Variants in SPRED1 observed in about 807,000 individuals in gnomAD.
The protein encoded by SPRED1 is sprouty-related, EVH1 domain-containing protein 1.
Under a neutral mutation model 52.3 loss-of-function variants are expected in SPRED1, and 18 were observed. That is an observed-to-expected ratio of 0.34 (90% CI 0.24 to 0.51). SPRED1 has a LOEUF of 0.51. Among genes scored for constraint, SPRED1 ranks in the 20% least tolerant of loss-of-function variants. The pLI, the probability that SPRED1 is intolerant of heterozygous loss-of-function variation, is 0.97. For synonymous variants in SPRED1, 155 were observed against 179.7 expected (o/e 0.86, Z 1.10); for missense variants, 485 against 551.0 (o/e 0.88, Z 1.20).
intron 2 of SPRED1, among the ~76,000 whole-genome samples, chr15:38,303,477 G>A (rs1241807279): frequency 1.3e-5 from 2 of 152,190 alleles, no homozygotes; most frequent in Admixed American, 6.5e-5. Context: ...TATAGGTTAT[G>A]TTATTTGACC....
intron 1 of SPRED1, among the ~76,000 whole-genome samples, chr15:38,260,630 G>A (rs1894186290): frequency 6.6e-6 from 1 of 152,080 alleles, no homozygotes; most frequent in Non-Finnish European, 1.5e-5. Context: ...ATATTTTAAA[G>A]TGTTAATAAA....
intron 1 of SPRED1, among the ~76,000 whole-genome samples, chr15:38,254,668 A>G (rs879274649): frequency 6.6e-6 from 1 of 152,234 alleles, no homozygotes; most frequent in Non-Finnish European, 1.5e-5. Context: ...GCACACACAA[A>G]CAACTACCCC....
chr15:38,349,561 A>G, intron 6 of SPRED1, 38 bp downstream of exon 6: 4 of 1,172,956 alleles, frequency 3.4e-6, no homozygotes, highest in South Asian at 1.3e-5. Flanking sequence ...ATGGAATTTA[A>G]CTAATTAATA....
chr15:38,258,635 G>T (rs891579420), intron 1 of SPRED1, among the ~76,000 whole-genome samples: 1 of 152,140 alleles, frequency 6.6e-6, no homozygotes, highest in African/African-American at 2.4e-5. Flanking sequence ...TGAAATGTCT[G>T]TACAGTTGTC....
At chr15:38,293,098 A>ATTTTTTTTTTTTT (rs1566857726) in intron 1 of SPRED1, among the ~76,000 whole-genome samples, 1 of 20,206 alleles carries the variant, frequency 4.9e-5, no homozygotes, top group African/African-American at 1.2e-4. Context: ...CAAGATTACA[A>ATTTTTTTTTTTTT]CTTTTTTTTT....
At chr15:38,324,097 T>C (rs1595747726) in intron 3 of SPRED1, among the ~76,000 whole-genome samples, 1 of 152,194 alleles carries the variant, frequency 6.6e-6, no homozygotes, top group Non-Finnish European at 1.5e-5. Flanking sequence ...TAAAATATGC[T>C]GCTCTTTCCA....
chr15:38,354,275 C>T lies in SPRED1; in HGVS notation c.*2611C>T, dbSNP rs181716461. 2.1e-4 allele frequency: 32 copies of T among 152,252 alleles called. No individual in the cohort carries two copies. In the East Asian group the frequency reaches 6.0e-3, roughly 28 times the overall value. 9.4% of individuals were successfully genotyped at this position (152,252 alleles called of 1,614,324 possible). On this transcript the variant is annotated 3_prime_UTR_variant, in exon 7 of 7. Transcript: ENST00000299084. ...CATTTTCTCATTCTCTGTACAGATT[C>T]GGCACTGCCAATTGGCTTTTCCTCT...
At chr15:38,311,233 T>A (rs192678357) in intron 2 of SPRED1, among the ~76,000 whole-genome samples, 3 of 152,306 alleles carry the variant, frequency 2.0e-5, no homozygotes, top group African/African-American at 7.2e-5. Flanking sequence ...ATTGATTGAT[T>A]TTTAAATATT....
chr15:38,288,305 G>T (rs1243927720), intron 1 of SPRED1, among the ~76,000 whole-genome samples: 1 of 152,126 alleles, frequency 6.6e-6, no homozygotes, highest in South Asian at 2.1e-4. Context: ...CTTCATAGAG[G>T]TTCATGAATA....
intron 3 of SPRED1, among the ~76,000 whole-genome samples, chr15:38,324,003 A>T (rs568913986): frequency 2.0e-5 from 3 of 152,188 alleles, no homozygotes; most frequent in Non-Finnish European, 4.4e-5. Flanking sequence ...ACATTAAAAA[A>T]CATTAGCTAG....
chr15:38,264,669 A>AGT (rs1266846304), intron 1 of SPRED1, among the ~76,000 whole-genome samples: 2 of 152,098 alleles, frequency 1.3e-5, no homozygotes, highest in Admixed American at 1.3e-4. Context: ...ATTTAATGTG[A>AGT]GTGTGGGTTG....
rs763738243 is a variant in SPRED1, at chr15:38,351,405, T to A, written c.1076T>A (p.Ile359Asn). 2 of 1,614,114 alleles carry A rather than the reference T, an allele frequency of 1.2e-6. No individual in the cohort carries two copies. The highest frequency in any genetic ancestry group is 3.3e-5 in the Admixed American group (2 of 60,006). Residue 359 changes from isoleucine (I) to asparagine (N), a missense_variant, in exon 7 of 7, where the codon ATT becomes AAT. By Grantham distance (149) the Ile-to-Asn change is moderately radical. Transcript: ENST00000299084. ...RGKCQDAPDP[I>N]KRCIYQVSCM... ...AAATGTCAGGATGCTCCAGACCCTA[T>A]TAAAAGATGCATATATCAAGTTAGT...
intron 2 of SPRED1, among the ~76,000 whole-genome samples, chr15:38,310,745 T>G (rs1260891883): frequency 2.6e-5 from 4 of 152,234 alleles, no homozygotes; most frequent in Non-Finnish European, 5.9e-5. Flanking sequence ...GTAAATACTA[T>G]TGTGTTTTTA....
chr15:38,350,975 C>T (rs769730984), intron 6 of SPRED1, 39 bp from the exon 7 acceptor site: 25 of 1,588,938 alleles, frequency 1.6e-5, no homozygotes, highest in Non-Finnish European at 2.1e-5. Context: ...AATTAACCAT[C>T]ATAGCCCTCA....
chr15:38,354,141 G>GA lies in SPRED1; in HGVS notation c.*2479dup, dbSNP rs1888553214. 1 of 152,412 alleles carries GA rather than the reference G, an allele frequency of 6.6e-6. No individual in the cohort carries two copies. The highest frequency in any genetic ancestry group is 1.5e-5 in the Non-Finnish European group (1 of 68,018). 9.4% of individuals were successfully genotyped at this position (152,412 alleles called of 1,614,324 possible). On this transcript the variant is annotated 3_prime_UTR_variant, in exon 7 of 7. Coordinates refer to ENST00000299084, the MANE Select transcript of SPRED1 (RefSeq NM_152594.3). Reference sequence around the variant, plus strand: ...ACTAACTGATGATATAATGTTCTCTGAATCCCTATATGGAAATTTTCTTTT... The same window carrying GA: ...ACTAACTGATGATATAATGTTCTCTGAAATCCCTATATGGAAATTTTCTTTT...
intron 2 of SPRED1, among the ~76,000 whole-genome samples, chr15:38,312,820 A>G (rs1434756457): frequency 6.6e-6 from 1 of 151,674 alleles, no homozygotes; most frequent in African/African-American, 2.4e-5. Context: ...TTAAATCTTT[A>G]CTTTTAGTTT....
intron 1 of SPRED1, among the ~76,000 whole-genome samples, chr15:38,255,707 C>T (rs1437950484): frequency 6.6e-6 from 1 of 152,112 alleles, no homozygotes; most frequent in Non-Finnish European, 1.5e-5. Flanking sequence ...AAGAAAGATA[C>T]GTATCATGGC....
chr15:38,254,147 G>A (rs1199584684), intron 1 of SPRED1, among the ~76,000 whole-genome samples: 2 of 152,116 alleles, frequency 1.3e-5, no homozygotes, highest in Non-Finnish European at 2.9e-5. Context: ...ATTAGCATCC[G>A]TTTTCTTGTA....
intron 2 of SPRED1, among the ~76,000 whole-genome samples, chr15:38,302,704 T>G (rs763185402): frequency 1.6e-4 from 24 of 152,142 alleles, no homozygotes; most frequent in Non-Finnish European, 8.8e-5. Flanking sequence ...GAGAGAAGAG[T>G]TGGAAAGCAC....
Sources: allele counts gnomAD v4.1 joint callset (sites outside exome capture counted in the v4.1 genomes callset), GRCh38; gene constraint gnomAD v4.1.1; transcripts MANE v1.5; gene names NCBI Gene and HGNC (gene_info 2026-07-23, HGNC 2026-07-21).